Variants in CPEB3 observed in about 807,000 individuals in gnomAD.
CPEB3 encodes the protein cytoplasmic polyadenylation element-binding protein 3.
A neutral mutation model predicts 67.2 loss-of-function variants in CPEB3; 20 were observed. The observed-to-expected ratio is 0.30, with a 90% CI of 0.21 to 0.43. The LOEUF is 0.43. Ranked by LOEUF, CPEB3 falls within the 20% of genes least tolerant of loss-of-function variation. The pLI is 1.00. For synonymous variants in CPEB3, 376 were observed against 393.1 expected, an observed-to-expected ratio of 0.96 and a Z score of 0.51; for missense variants, 746 against 968.6, an observed-to-expected ratio of 0.77 and a Z score of 3.05.
At chr10:92,251,342 G>A (rs528236344) in intron 1 of CPEB3, among the ~76,000 whole-genome samples, 7 of 151,946 alleles carry the variant, frequency 4.6e-5, no homozygotes, top group African/African-American at 1.7e-4. Context: ...TCCTTTCTTA[G>A]TTTTCTAACA....
At chr10:92,082,386 C>T (rs1843191467) in intron 8 of CPEB3, among the ~76,000 whole-genome samples, 1 of 152,160 alleles carries the variant, frequency 6.6e-6, no homozygotes, top group Non-Finnish European at 1.5e-5. Flanking sequence ...TCAAGTGATT[C>T]TCCTGCCTCA....
intron 9 of CPEB3, among the ~76,000 whole-genome samples, chr10:92,052,970 C>T (rs765835620): frequency 2.0e-5 from 3 of 152,162 alleles, no homozygotes; most frequent in South Asian, 2.1e-4. Flanking sequence ...GGGCAAGAGG[C>T]ACAATGAATA....
At chr10:92,241,934 A>G (rs2134698854) in intron 1 of CPEB3, among the ~76,000 whole-genome samples, 1 of 152,340 alleles carries the variant, frequency 6.6e-6, no homozygotes, top group East Asian at 1.9e-4. Flanking sequence ...ATACTTGGAG[A>G]GGAATCTTTC....
intron 4 of CPEB3, among the ~76,000 whole-genome samples, chr10:92,168,513 A>G (rs529057001): frequency 6.6e-6 from 1 of 152,210 alleles, no homozygotes; most frequent in South Asian, 2.1e-4. Flanking sequence ...CTCATCTTGA[A>G]TTGTAGTTCC....
intron 8 of CPEB3, among the ~76,000 whole-genome samples, chr10:92,091,073 A>T (rs1030705847): frequency 6.6e-6 from 1 of 152,212 alleles, no homozygotes; most frequent in Non-Finnish European, 1.5e-5. Context: ...AAATAACGTT[A>T]GGTTACATTT....
At chr10:92,124,911 C>A (rs1313017171) in intron 6 of CPEB3, among the ~76,000 whole-genome samples, 2 of 152,232 alleles carry the variant, frequency 1.3e-5, no homozygotes, top group Non-Finnish European at 2.9e-5. Flanking sequence ...TTTGCCCACT[C>A]AAAGTAGATT....
At chr10:92,190,752 T>C (rs1848941528) in intron 3 of CPEB3, among the ~76,000 whole-genome samples, 1 of 140,686 alleles carries the variant, frequency 7.1e-6, no homozygotes, top group Non-Finnish European at 1.5e-5. Flanking sequence ...AACAGACTCA[T>C]ACAGAAGCCA....
intron 2 of CPEB3, among the ~76,000 whole-genome samples, chr10:92,200,423 T>TA (rs1423288303): frequency 6.6e-6 from 1 of 151,526 alleles, no homozygotes; most frequent in African/African-American, 2.4e-5. Context: ...CGCATGCCTG[T>TA]AATCCCAGCT....
intron 1 of CPEB3, among the ~76,000 whole-genome samples, chr10:92,261,857 AC>A (rs1017748138): frequency 6.6e-6 from 1 of 152,226 alleles, no homozygotes; most frequent in Non-Finnish European, 1.5e-5. Flanking sequence ...CAGATATGTT[AC>A]AAGACACAAC....
intron 1 of CPEB3, among the ~76,000 whole-genome samples, chr10:92,270,031 TG>T (rs1853234545): frequency 1.7e-4 from 2 of 11,830 alleles, no homozygotes; most frequent in South Asian, 6.1e-3. Flanking sequence ...CAAGTTGTTA[TG>T]GGGGGTGGGG....
chr10:92,256,814 C>T (rs538277719), intron 1 of CPEB3, among the ~76,000 whole-genome samples: 3 of 152,326 alleles, frequency 2.0e-5, no homozygotes, highest in South Asian at 4.1e-4. Context: ...TTGTAAGACA[C>T]ATATATCTCT....
chr10:92,147,189 C>T (rs1370880254), intron 4 of CPEB3, among the ~76,000 whole-genome samples: 1 of 152,204 alleles, frequency 6.6e-6, no homozygotes, highest in African/African-American at 2.4e-5. Context: ...GGCATGGTGG[C>T]TCATGCCCAT....
chr10:92,070,118 C>G (rs138331208), intron 9 of CPEB3, among the ~76,000 whole-genome samples: 2 of 152,292 alleles, frequency 1.3e-5, no homozygotes, highest in East Asian at 3.9e-4. Flanking sequence ...AAAGAAGCTG[C>G]AAACACAGTG....
In CPEB3 at chr10:92,164,006, C is replaced by T. The variant is rs1274968301; in HGVS notation, c.1222+16957G>A. On this transcript the variant is annotated intron_variant, in intron 4 of 9. Transcript: ENST00000265997. The stretch of plus-strand genomic sequence containing the variant: ...AAAAATCTTCTTTCCATTGTATTTG[C>T]AAACCTAAAAAGTAATACTAATGAC... Among the ~76,000 whole-genome samples, 5 of 152,076 alleles carry T rather than the reference C, an allele frequency of 3.3e-5. No individual in the cohort carries two copies. In the East Asian group the frequency reaches 9.6e-4, roughly 29 times the overall value.
intron 9 of CPEB3, among the ~76,000 whole-genome samples, chr10:92,062,976 C>T (rs1484729708): frequency 6.6e-6 from 1 of 152,128 alleles, no homozygotes; most frequent in Non-Finnish European, 1.5e-5. Flanking sequence ...GATGACTATA[C>T]CCAAAGATGC....
At chr10:92,274,817 T>C (rs758252365) in intron 1 of CPEB3, among the ~76,000 whole-genome samples, 2 of 152,124 alleles carry the variant, frequency 1.3e-5, no homozygotes, top group African/African-American at 2.4e-5. Context: ...AGAGGGAGAC[T>C]CTATCTCAAA....
At chr10:92,134,213 G>C (rs1349914714) in intron 6 of CPEB3, among the ~76,000 whole-genome samples, 2 of 152,152 alleles carry the variant, frequency 1.3e-5, no homozygotes, top group Admixed American at 1.3e-4. Flanking sequence ...ATTAGGAAAA[G>C]AGGAAGTCAA....
At chr10:92,266,256 T>C (rs538286283) in intron 1 of CPEB3, among the ~76,000 whole-genome samples, 2 of 152,286 alleles carry the variant, frequency 1.3e-5, no homozygotes, top group South Asian at 2.1e-4. Flanking sequence ...CCATAAAGCA[T>C]TCCTTTGAAA....
intron 9 of CPEB3, among the ~76,000 whole-genome samples, chr10:92,061,581 CAG>C (rs1842357208): frequency 6.6e-6 from 1 of 152,056 alleles, no homozygotes; most frequent in South Asian, 2.1e-4. Context: ...AAGCTAGACA[CAG>C]AAAGACAAAC....
Sources: gnomAD v4.1 joint callset for allele counts (sites outside exome capture counted in the v4.1 genomes callset) on GRCh38, gnomAD v4.1.1 for gene constraint, MANE v1.5 for transcripts, NCBI Gene and HGNC (gene_info 2026-07-23, HGNC 2026-07-21) for gene names.